ANO3: variants seen among roughly 807,000 people sequenced by gnomAD.
ANO3 encodes anoctamin 3, also known as anoctamin-3.
In ANO3, 99 loss-of-function variants were observed where a neutral mutation model predicts 144.8. That is an observed-to-expected ratio of 0.68 (90% CI 0.58 to 0.81). The LOEUF is 0.81. Ranked by LOEUF, ANO3 falls within the 30% of genes least tolerant of loss-of-function variation. The pLI is 0.00. For missense variants in ANO3, 905 were observed against 1,202.2 expected, an observed-to-expected ratio of 0.75 and a Z score of 3.66; for synonymous variants, 414 against 392.6, an observed-to-expected ratio of 1.05 and a Z score of -0.64.
chr11:26,280,174 G>C (rs1853646759), intron 1 of ANO3, among the ~76,000 whole-genome samples: 1 of 152,146 alleles, frequency 6.6e-6, no homozygotes, highest in South Asian at 2.1e-4. Flanking sequence ...CATGTGCAGA[G>C]TTGTGCAACT....
At chr11:26,415,842 A>G (rs1230077226) in intron 1 of ANO3, among the ~76,000 whole-genome samples, 2 of 152,090 alleles carry the variant, frequency 1.3e-5, no homozygotes, top group Non-Finnish European at 1.5e-5. Flanking sequence ...CAGTCTGTCA[A>G]TGTTAAATAG....
intron 1 of ANO3, among the ~76,000 whole-genome samples, chr11:26,285,020 T>C (rs1434771249): frequency 6.6e-6 from 1 of 152,246 alleles, no homozygotes; most frequent in Non-Finnish European, 1.5e-5. Context: ...AATTTGGAAC[T>C]ATTTTGTTAA....
intron 14 of ANO3, chr11:26,567,269 A>C: frequency 2.0e-6 from 1 of 499,438 alleles, no homozygotes; most frequent in Non-Finnish European, 3.3e-6. Context: ...TCAAGCAATA[A>C]AATCTGAGTA....
intron 14 of ANO3, among the ~76,000 whole-genome samples, chr11:26,595,467 T>TTTTTTTG (rs1851589670): frequency 6.9e-6 from 1 of 144,344 alleles, no homozygotes; most frequent in African/African-American, 2.6e-5. Context: ...GTTGTTTTTT[T>TTTTTTTG]TTTTTTTTTT....
intron 20 of ANO3, among the ~76,000 whole-genome samples, chr11:26,637,191 C>G (rs1358717148): frequency 6.6e-6 from 1 of 152,154 alleles, no homozygotes; most frequent in African/African-American, 2.4e-5. Context: ...CCTTATAAAT[C>G]ATAAAGTCAT....
chr11:26,299,042 T>G (rs1854156766), intron 1 of ANO3, among the ~76,000 whole-genome samples: 1 of 152,164 alleles, frequency 6.6e-6, no homozygotes, highest in African/African-American at 2.4e-5. Context: ...TTAGGAAGTA[T>G]CGTTCTACAG....
chr11:26,492,919 C>T (rs1263235158), intron 4 of ANO3, among the ~76,000 whole-genome samples: 8 of 152,064 alleles, frequency 5.3e-5, no homozygotes, highest in African/African-American at 1.9e-4. Flanking sequence ...TACCTACCAG[C>T]AAAAAATAAG....
At chr11:26,600,053 A>T (rs920436034) in intron 17 of ANO3, among the ~76,000 whole-genome samples, 1 of 152,158 alleles carries the variant, frequency 6.6e-6, no homozygotes, top group African/African-American at 2.4e-5. Context: ...CTTTAAAATC[A>T]TCCCAATAAA....
chr11:26,351,161 C>T (rs79255946), intron 1 of ANO3, among the ~76,000 whole-genome samples: 3,981 of 152,050 alleles, frequency 0.026, 163 homozygotes, highest in African/African-American at 0.09. Context: ...TAATTTTTGC[C>T]TTTTTTCTCT....
intron 12 of ANO3, among the ~76,000 whole-genome samples, chr11:26,548,183 A>G (rs1358135208): frequency 1.4e-5 from 1 of 72,448 alleles, no homozygotes; most frequent in Non-Finnish European, 3.2e-5. Flanking sequence ...TCCACTTAAG[A>G]TATGGAATGG....
intron 1 of ANO3, among the ~76,000 whole-genome samples, chr11:26,220,326 C>T (rs1024156519): frequency 2.6e-5 from 4 of 152,200 alleles, no homozygotes; most frequent in African/African-American, 9.6e-5. Flanking sequence ...TCAGGCATGC[C>T]TGGGGCAGCA....
At chr11:26,513,470 C>T (rs1050343823) in intron 5 of ANO3, among the ~76,000 whole-genome samples, 3 of 152,096 alleles carry the variant, frequency 2.0e-5, no homozygotes, top group African/African-American at 4.8e-5. Context: ...TAAAGTAAAA[C>T]AAATCGGGAA....
At chr11:26,370,701 A>C (rs1856227755) in intron 1 of ANO3, among the ~76,000 whole-genome samples, 1 of 152,208 alleles carries the variant, frequency 6.6e-6, no homozygotes, top group Admixed American at 6.5e-5. Flanking sequence ...TGGACAATAA[A>C]GTCCAGGCTG....
chr11:26,330,340 T>C (rs531451185), upstream of ANO3, among the ~76,000 whole-genome samples: 34 of 152,270 alleles, frequency 2.2e-4, no homozygotes, highest in African/African-American at 7.9e-4. Flanking sequence ...ATCTATACAA[T>C]ATCTGTATTA....
intron 14 of ANO3, chr11:26,563,105 A>G: frequency 6.2e-7 from 1 of 1,610,702 alleles, no homozygotes; most frequent in South Asian, 1.1e-5. Flanking sequence ...AGTATTGAAA[A>G]TAGATTTTAC....
intron 14 of ANO3, among the ~76,000 whole-genome samples, chr11:26,563,846 T>A (rs964514300): frequency 6.6e-6 from 1 of 151,890 alleles, no homozygotes; most frequent in Non-Finnish European, 1.5e-5. Context: ...TGTCTAGGCC[T>A]GAGCTTACGG....
intron 1 of ANO3, among the ~76,000 whole-genome samples, chr11:26,246,200 T>C (rs1403071794): frequency 6.6e-6 from 1 of 152,120 alleles, no homozygotes; most frequent in Non-Finnish European, 1.5e-5. Flanking sequence ...AACATATTTA[T>C]TCTTTCTGAA....
At chr11:26,527,464 G>A (rs974618896) in intron 7 of ANO3, among the ~76,000 whole-genome samples, 9 of 151,958 alleles carry the variant, frequency 5.9e-5, no homozygotes, top group African/African-American at 2.2e-4. Context: ...GGGAGAGGTA[G>A]GGAATAAATA....
intron 3 of ANO3, among the ~76,000 whole-genome samples, chr11:26,459,246 T>C (rs958929737): frequency 6.6e-6 from 1 of 152,090 alleles, no homozygotes; most frequent in African/African-American, 2.4e-5. Context: ...TGGCTTTACC[T>C]GGAGATGCAG....
Sources: gnomAD v4.1 joint callset for allele counts (sites outside exome capture counted in the v4.1 genomes callset) on GRCh38, gnomAD v4.1.1 for gene constraint, MANE v1.5 for transcripts, NCBI Gene and HGNC (gene_info 2026-07-23, HGNC 2026-07-21) for gene names.